Variants in FAM217A observed in about 807,000 individuals in gnomAD.
The protein encoded by FAM217A is family with sequence similarity 217 member A.
Under a neutral mutation model 18.5 loss-of-function variants are expected in FAM217A, and 13 were observed. The observed-to-expected ratio is 0.70, with a 90% CI of 0.46 to 1.12. The LOEUF (loss-of-function observed/expected upper bound fraction) is 1.12. Among genes scored for constraint, FAM217A ranks in the 50% most tolerant of loss-of-function variants. FAM217A has a pLI of 0.00. For missense variants in FAM217A, 560 were observed against 575.4 expected (o/e 0.97, Z 0.27); for synonymous variants, 161 against 202.8 (o/e 0.79, Z 1.75).
chr6:4,073,875 C>T (rs1193143670), intron 4 of FAM217A, among the ~76,000 whole-genome samples: 5 of 152,130 alleles, frequency 3.3e-5, no homozygotes, highest in Non-Finnish European at 4.4e-5. Context: ...GAGACAGGGT[C>T]TCGTTCTGTT....
intron 6 of FAM217A, 95 bp downstream of exon 6, chr6:4,073,180 G>T: frequency 1.0e-6 from 1 of 952,934 alleles, no homozygotes; most frequent in Non-Finnish European, 1.6e-6. Flanking sequence ...ATTTTCTTCT[G>T]GTTGTTCATG....
Position 4,069,667 on chromosome 6 carries a change from A to C in FAM217A, c.556T>G (p.Trp186Gly). 1.2e-6 allele frequency: 2 copies of C among 1,614,138 alleles called. No homozygotes were observed. Among genetic ancestry groups the C allele is most frequent in the Admixed American group, 1.7e-5 (1 of 60,024 alleles). The change falls in exon 7 of 7, where the codon TGG becomes GGG. Residue 186 changes from tryptophan to glycine, a missense_variant. Trp to Gly is a radical substitution (Grantham distance 184, BLOSUM62 -2). Transcript: ENST00000274673. ...CTGCTGTTTCCATGTTTCAAATTCC[A>C]ATTTGGAGCAGGTAATGTTTCACCA... ...NDGETLPAPNWNLKHGNSSVE... is the reference protein window; with the variant it reads ...NDGETLPAPNGNLKHGNSSVE...
intron 1 of FAM217A, 146 bp from the exon 2 acceptor site, chr6:4,077,594 A>T: frequency 1.5e-6 from 1 of 667,034 alleles, no homozygotes; most frequent in Non-Finnish European, 2.6e-6. Flanking sequence ...GGTGGGGGTG[A>T]CAGTACGAAA....
upstream of FAM217A, among the ~76,000 whole-genome samples, chr6:4,083,106 A>T (rs1242684868): frequency 6.6e-6 from 1 of 152,216 alleles, no homozygotes; most frequent in Non-Finnish European, 1.5e-5. Context: ...TCATAAACAC[A>T]GTAGGATGAG....
intron 6 of FAM217A, among the ~76,000 whole-genome samples, chr6:4,072,543 A>G (rs1769499208): frequency 6.6e-6 from 1 of 152,022 alleles, no homozygotes; most frequent in Non-Finnish European, 1.5e-5. Flanking sequence ...TGGGTGGATC[A>G]CCTGAGGTCG....
At chr6:4,080,227 C>T (rs2113888255), upstream of FAM217A, among the ~76,000 whole-genome samples, 1 of 152,286 alleles carries the variant, frequency 6.6e-6, no homozygotes, top group South Asian at 2.1e-4. Context: ...TCTGCATTTC[C>T]ATTTTCTCCT....
chr6:4,084,663 T>A lies in FAM217A; in HGVS notation c.166A>T (p.Lys56Ter), dbSNP rs554332428. The change falls in exon 2 of 9, where the codon AAA becomes TAA. Residue 56 changes from lysine to a stop codon, truncating the protein, a stop_gained. Coordinates refer to the FAM217A transcript ENST00000639338. LOFTEE classifies it high-confidence loss of function. ...CTCATTTGTTGTGAACAGAACACTT[T>A]CTTTAGAATGCTTTCCTTAAAAAAC... 1.4e-6 allele frequency: 1 copy of A among 703,056 alleles called. No homozygotes were observed. The highest frequency in any genetic ancestry group is 1.7e-5 in the African/African-American group (1 of 57,388). The allele number at this position is 703,056 out of a possible 1,614,324, so 43.6% of individuals were successfully genotyped here.
chr6:4,074,082 C>G (rs563851429), intron 4 of FAM217A, among the ~76,000 whole-genome samples: 2 of 152,258 alleles, frequency 1.3e-5, no homozygotes, highest in Admixed American at 1.3e-4. Flanking sequence ...AAACTCCTGA[C>G]CTCAAGTGAT....
At position 4,073,298 on chromosome 6, in the gene FAM217A, A is replaced by G. The variant is rs1323803793; in HGVS notation, c.279T>C (p.Asn93=). The G allele has an allele frequency of 6.2e-7, 1 of 1,609,376 alleles. No homozygotes were observed. Among genetic ancestry groups the G allele is most frequent in the East Asian group, 2.2e-5 (1 of 44,700 alleles). The change falls in exon 6 of 7, where the codon AAT becomes AAC. Residue 93 remains asparagine, a synonymous_variant. Transcript: ENST00000274673. ...GIFQLWNCPL[N]EGSTIEKREF... ...ACCTCTTCTCTATGGTACTTCCTTC[A>G]TTAAGAGGACAATTCCATAATTGAA...
Position 4,068,958 on chromosome 6 carries a change from T to G in FAM217A, c.1265A>C (p.His422Pro). ...QELSFKPTIG[H>P]TNQSMVKMVS... ...CATTTTAACCATTGATTGATTTGTA[T>G]GGCCAATAGTAGGTTTGAATGAGAG... The change falls in exon 7 of 7, where the codon CAT becomes CCT. Residue 422 changes from histidine (H) to proline (P), a missense_variant. Coordinates refer to ENST00000274673, the MANE Select transcript of FAM217A (RefSeq NM_173563.3). 1 of 1,614,186 alleles carries G rather than the reference T, an allele frequency of 6.2e-7. No homozygotes were observed. The highest frequency in any genetic ancestry group is 1.1e-5 in the South Asian group (1 of 91,074).
At chr6:4,074,479 CAATT>C (rs781283455) in intron 3 of FAM217A, 23 bp from the exon 4 acceptor site, 22 of 1,585,572 alleles carry the variant, frequency 1.4e-5, no homozygotes, top group Admixed American at 1.0e-4. Flanking sequence ...TAAAAAATGA[CAATT>C]AATAGTTACA....
intron 2 of FAM217A, 61 bp downstream of exon 2, chr6:4,077,294 G>C: frequency 6.4e-7 from 1 of 1,554,462 alleles, no homozygotes; most frequent in Non-Finnish European, 8.9e-7. Flanking sequence ...CTCCATGGGA[G>C]TTACGTGTTA....
intron 6 of FAM217A, among the ~76,000 whole-genome samples, chr6:4,070,856 C>A (rs892704920): frequency 6.6e-6 from 1 of 151,954 alleles, no homozygotes; most frequent in African/African-American, 2.4e-5. Context: ...ATTAGCTGGG[C>A]ATGGAGGCAT....
At chr6:4,079,561 C>T, upstream of FAM217A, 3 of 1,268,790 alleles carry the variant, frequency 2.4e-6, no homozygotes, top group South Asian at 1.2e-5. Flanking sequence ...CTTCCCTGGG[C>T]CTCTCCAGGC....
At chr6:4,087,253 A>G (rs1770731290), upstream of FAM217A, 5 of 1,169,786 alleles carry the variant, frequency 4.3e-6, no homozygotes, top group African/African-American at 1.6e-5. Context: ...GAAATGGTCC[A>G]TGTCCAGACG....
chr6:4,076,510 T>C (rs1581887470), intron 2 of FAM217A, among the ~76,000 whole-genome samples: 1 of 152,226 alleles, frequency 6.6e-6, no homozygotes, highest in Non-Finnish European at 1.5e-5. Context: ...ATAATCCTGA[T>C]ACTTTTGTAT....
At position 4,068,553 on chromosome 6, in the gene FAM217A, G is replaced by T; in HGVS notation, c.*143C>A. Reference sequence around the variant, plus strand: ...GACATCTCAGCAGTGCTTTTCACAAGTTCTACTCCATATCACATCAAGCAA... The same window carrying T: ...GACATCTCAGCAGTGCTTTTCACAATTTCTACTCCATATCACATCAAGCAA... On this transcript the variant is annotated 3_prime_UTR_variant, in exon 7 of 7. Coordinates refer to ENST00000274673, the MANE Select transcript of FAM217A (RefSeq NM_173563.3). 1 of 855,586 alleles carries T rather than the reference G, an allele frequency of 1.2e-6. No homozygotes were observed. Among genetic ancestry groups the T allele is most frequent in the Non-Finnish European group, 1.8e-6 (1 of 566,990 alleles). 53.0% of individuals were successfully genotyped at this position (855,586 alleles called of 1,614,324 possible).
chr6:4,079,189 G>A (rs973134521), upstream of FAM217A: 1 of 308,344 alleles, frequency 3.2e-6, no homozygotes, highest in African/African-American at 2.2e-5. Flanking sequence ...GGGAGGCCCG[G>A]CGTTCCACAA....
rs1769173040 is a variant in FAM217A, at chr6:4,068,522, T to C, written c.*174A>G. On this transcript the variant is annotated 3_prime_UTR_variant, in exon 7 of 7. Coordinates refer to ENST00000274673, the MANE Select transcript of FAM217A (RefSeq NM_173563.3). The stretch of plus-strand genomic sequence containing the variant: ...GTCAGTATAGAAGCCTGTGGGTTTA[T>C]ATATAGACATCTCAGCAGTGCTTTT... 3 of 603,800 alleles carry C rather than the reference T, an allele frequency of 5.0e-6. No individual in the cohort carries two copies. The highest frequency in any genetic ancestry group is 7.0e-5 in the Admixed American group (2 of 28,658). The allele number at this position is 603,800 out of a possible 1,614,324, so 37.4% of individuals were successfully genotyped here.
Sources: gnomAD v4.1 joint callset for allele counts (sites outside exome capture counted in the v4.1 genomes callset) on GRCh38, gnomAD v4.1.1 for gene constraint, MANE v1.5 for transcripts, NCBI Gene and HGNC (gene_info 2026-07-23, HGNC 2026-07-21) for gene names.